DYRK1A: variants seen among roughly 807,000 people sequenced by gnomAD.
DYRK1A encodes the protein dual specificity tyrosine-phosphorylation-regulated kinase 1A.
In DYRK1A, 9 loss-of-function variants were observed where a neutral mutation model predicts 79.7. The ratio of observed to expected loss-of-function variants is 0.11; its 90% CI spans 0.07 to 0.20. The LOEUF (loss-of-function observed/expected upper bound fraction) is 0.20. Among genes scored for constraint, DYRK1A ranks in the 10% least tolerant of loss-of-function variants. The pLI is 1.00. For missense variants in DYRK1A, 622 were observed against 956.0 expected (o/e 0.65, Z 4.61); for synonymous variants, 349 against 329.7 (o/e 1.06, Z -0.63).
intron 2 of DYRK1A, among the ~76,000 whole-genome samples, chr21:37,423,992 T>A (rs2050548043): frequency 6.6e-6 from 1 of 152,108 alleles, no homozygotes; most frequent in Admixed American, 6.6e-5. Context: ...TTTCCAGTGA[T>A]CACAAATGGG....
At chr21:37,383,906 A>T (rs891696272) in intron 1 of DYRK1A, among the ~76,000 whole-genome samples, 11 of 152,046 alleles carry the variant, frequency 7.2e-5, no homozygotes, top group South Asian at 2.1e-4. Flanking sequence ...GTCAGGAATC[A>T]TGGCTTCTGC....
chr21:37,494,914 C>T (rs1463354475), intron 8 of DYRK1A, among the ~76,000 whole-genome samples: 1 of 149,532 alleles, frequency 6.7e-6, no homozygotes, highest in African/African-American at 2.5e-5. Flanking sequence ...CGCCACTGCC[C>T]TCTAGCTTGG....
chr21:37,386,988 A>C (rs753061515), intron 1 of DYRK1A, among the ~76,000 whole-genome samples: 1 of 152,132 alleles, frequency 6.6e-6, no homozygotes, highest in Non-Finnish European at 1.5e-5. Flanking sequence ...AGTTAGGCTC[A>C]CTCCTGGCAC....
At chr21:37,443,102 G>A (rs1361676066) in intron 2 of DYRK1A, among the ~76,000 whole-genome samples, 1 of 152,116 alleles carries the variant, frequency 6.6e-6, no homozygotes, top group Non-Finnish European at 1.5e-5. Flanking sequence ...GAGATTACAG[G>A]TGTGAGCCAC....
chr21:37,444,629 G>GA (rs10699266), intron 2 of DYRK1A, among the ~76,000 whole-genome samples: 1 of 120 alleles, frequency 8.3e-3, no homozygotes, highest in Admixed American at 0.083. Context: ...ATTAGTCATG[G>GA]GTGAGGATGA....
intron 1 of DYRK1A, among the ~76,000 whole-genome samples, chr21:37,399,870 A>G (rs988059019): frequency 6.6e-6 from 1 of 152,202 alleles, no homozygotes; most frequent in Non-Finnish European, 1.5e-5. Flanking sequence ...CATAGGTGAC[A>G]TTTGTAGAAT....
upstream of DYRK1A, among the ~76,000 whole-genome samples, chr21:37,366,543 A>C (rs1602334658): frequency 6.8e-6 from 1 of 146,816 alleles, no homozygotes. Flanking sequence ...CGGGCGAATC[A>C]CGCGCCCTCC....
chr21:37,432,275 T>TC (rs1438019696), intron 2 of DYRK1A, among the ~76,000 whole-genome samples: 2 of 152,142 alleles, frequency 1.3e-5, no homozygotes, highest in Non-Finnish European at 2.9e-5. Context: ...TAAAGAATAG[T>TC]CCAATAGTCC....
Position 37,378,907 on chromosome 21 carries a change from C to T in DYRK1A, c.-77+11279C>T, listed in dbSNP as rs1325027946. Among the ~76,000 whole-genome samples the T allele has an allele frequency of 2.6e-5, 4 of 151,974 alleles. No individual in the cohort carries two copies. In the East Asian group the frequency reaches 5.8e-4, roughly 22 times the overall value. On this transcript the variant is annotated intron_variant, in intron 1 of 11. Coordinates refer to ENST00000647188, the MANE Select transcript of DYRK1A (RefSeq NM_001347721.2). ...GCATTGTGGAGATGGGACTGGGTCT[C>T]GATCTTGAAGAGTGGATGGATGGGC... is the stretch of plus-strand genomic sequence containing the variant.
chr21:37,390,516 G>A (rs1266839739), intron 1 of DYRK1A, among the ~76,000 whole-genome samples: 2 of 152,292 alleles, frequency 1.3e-5, no homozygotes, highest in African/African-American at 4.8e-5. Flanking sequence ...CCATAGTGTA[G>A]TGTTCTTTAT....
At chr21:37,461,880 C>A (rs2051850205) in intron 2 of DYRK1A, among the ~76,000 whole-genome samples, 6 of 132,076 alleles carry the variant, frequency 4.5e-5, no homozygotes, top group South Asian at 2.5e-4. Context: ...TTTTTTTAAA[C>A]TTGTTTTCAG....
At chr21:37,430,124 CAA>C (rs1241407839) in intron 2 of DYRK1A, 1 of 195,024 alleles carries the variant, frequency 5.1e-6, no homozygotes, top group East Asian at 1.9e-4. Flanking sequence ...CTTGATTTCT[CAA>C]GATTTGAAAT....
chr21:37,407,191 G>A (rs1033055881), intron 1 of DYRK1A, among the ~76,000 whole-genome samples: 1 of 152,176 alleles, frequency 6.6e-6, no homozygotes. Flanking sequence ...TTGCATATAT[G>A]TAGTGAGATA....
chr21:37,502,928 T>C (rs1011998276), intron 9 of DYRK1A: 10 of 152,332 alleles, frequency 6.6e-5, no homozygotes, highest in African/African-American at 2.2e-4. Context: ...TGTTACGATA[T>C]AGCTTAAAGA....
At chr21:37,486,363 CAT>C (rs897273099) in intron 5 of DYRK1A, 102 bp from the exon 6 acceptor site, 76 of 912,502 alleles carry the variant, frequency 8.3e-5, no homozygotes, top group South Asian at 6.8e-4. Context: ...ATTATAAAAA[CAT>C]ATAATTGAGA....
intron 2 of DYRK1A, among the ~76,000 whole-genome samples, chr21:37,444,674 T>C (rs1447082212): frequency 6.6e-6 from 1 of 151,988 alleles, no homozygotes; most frequent in Non-Finnish European, 1.5e-5. Context: ...CCTGGGTGCA[T>C]GAGAGAGGAC....
intron 2 of DYRK1A, among the ~76,000 whole-genome samples, chr21:37,423,354 T>G (rs1177526236): frequency 6.6e-6 from 1 of 152,148 alleles, no homozygotes; most frequent in Non-Finnish European, 1.5e-5. Flanking sequence ...AGTGACACCA[T>G]TCTACCCTAA....
At chr21:37,478,172 CTATTTAAGGTG>C in intron 3 of DYRK1A, 25 bp from the exon 4 acceptor site, 2 of 1,611,552 alleles carry the variant, frequency 1.2e-6, no homozygotes, top group Non-Finnish European at 1.7e-6. Flanking sequence ...TCTTTTCTGT[CTATTTAAGGTG>C]ATGCCTGATA....
intron 11 of DYRK1A, among the ~76,000 whole-genome samples, chr21:37,508,150 C>T (rs942367198): frequency 6.6e-6 from 1 of 152,154 alleles, no homozygotes; most frequent in African/African-American, 2.4e-5. Flanking sequence ...TTTTATTCTC[C>T]ACCTTTCACT....
Sources: gnomAD v4.1 joint callset for allele counts (sites outside exome capture counted in the v4.1 genomes callset) on GRCh38, gnomAD v4.1.1 for gene constraint, MANE v1.5 for transcripts, NCBI Gene and HGNC (gene_info 2026-07-23, HGNC 2026-07-21) for gene names.